GTF3C3: variants seen among roughly 807,000 people sequenced by gnomAD.
GTF3C3 encodes the protein general transcription factor IIIC subunit 3.
A neutral mutation model predicts 105.2 loss-of-function variants in GTF3C3; 75 were observed. The observed-to-expected ratio is 0.71, with a 90% CI of 0.59 to 0.86. The LOEUF (loss-of-function observed/expected upper bound fraction) is 0.86. GTF3C3 is among the 40% of genes least tolerant of loss of function. The probability of loss-of-function intolerance (pLI) is 0.00; values close to 1 mark genes in which losing one functional copy is unlikely to be tolerated. For synonymous variants in GTF3C3, 335 were observed against 370.4 expected (o/e 0.90, Z 1.10); for missense variants, 856 against 1,076.5 (o/e 0.80, Z 2.87).
intron 3 of GTF3C3, among the ~76,000 whole-genome samples, 192 bp downstream of exon 3, chr2:196,792,764 A>G (rs1353196263): frequency 6.6e-6 from 1 of 152,068 alleles, no homozygotes; most frequent in Non-Finnish European, 1.5e-5. Flanking sequence ...CAGGCACACC[A>G]CCATGCCCGG....
At position 196,765,769 on chromosome 2, in the gene GTF3C3, G is replaced by A. The variant is rs567587500; in HGVS notation, c.2538+796C>T. Among the ~76,000 whole-genome samples the A allele has an allele frequency of 9.1e-3, 1,376 of 151,978 alleles. 20 individuals carry two copies. The highest frequency in any genetic ancestry group is 0.031 in the African/African-American group (1,268 of 41,480). ...CTCACGCCTGTAATCCCAGCACTTT[G>A]GGAGGCTGAGGCGGGCGGATCACAA... On this transcript the variant is annotated intron_variant, in intron 17 of 17. Coordinates refer to ENST00000263956, the MANE Select transcript of GTF3C3 (RefSeq NM_012086.5).
At chr2:196,799,358 G>C in intron 1 of GTF3C3, 152 bp downstream of exon 1, 1 of 632,236 alleles carries the variant, frequency 1.6e-6, no homozygotes, top group Non-Finnish European at 2.8e-6. Flanking sequence ...CAGGGATGAG[G>C]GGTGAAAACC....
chr2:196,789,998 A>C lies in GTF3C3; in HGVS notation c.608T>G (p.Leu203Trp). 1 of 1,613,686 alleles carries C rather than the reference A, an allele frequency of 6.2e-7. No individual in the cohort carries two copies. The highest frequency in any genetic ancestry group is 1.1e-5 in the South Asian group (1 of 91,062). Residue 203 changes from leucine to tryptophan, a missense_variant, in exon 5 of 18, where the codon TTG becomes TGG. Coordinates refer to ENST00000263956, the MANE Select transcript of GTF3C3 (RefSeq NM_012086.5). The part of the protein sequence containing the change: ...YEDQGDMEKS[L>W]QFELIAAHLN... ...ATGCGCAGCAATCAACTCAAACTGC[A>C]ATGATTTTTCCATGTCACCTTGGTC...
At chr2:196,788,941 C>T (rs1305695263) in intron 6 of GTF3C3, among the ~76,000 whole-genome samples, 2 of 151,932 alleles carry the variant, frequency 1.3e-5, no homozygotes, top group African/African-American at 4.8e-5. Flanking sequence ...GTGGCGTGCA[C>T]CTACAATCCC....
intron 3 of GTF3C3, among the ~76,000 whole-genome samples, chr2:196,792,173 T>C (rs1311777507): frequency 6.6e-6 from 1 of 152,190 alleles, no homozygotes; most frequent in Non-Finnish European, 1.5e-5. Context: ...AGACATATTT[T>C]TTAAGACAGG....
chr2:196,775,378 C>T (rs1699243308), intron 12 of GTF3C3, 127 bp from the exon 13 acceptor site: 5 of 709,938 alleles, frequency 7.0e-6, no homozygotes, highest in Non-Finnish European at 1.1e-5. Flanking sequence ...ACCTTAGCCT[C>T]GCAAGTAGCT....
At chr2:196,791,593 G>A (rs185911638) in intron 3 of GTF3C3, 133 bp from the exon 4 acceptor site, 1 of 666,722 alleles carries the variant, frequency 1.5e-6, no homozygotes, top group African/African-American at 1.8e-5. Context: ...TTGCAACCCA[G>A]AACTAAATAG....
At chr2:196,798,100 A>G (rs568967466) in intron 1 of GTF3C3, among the ~76,000 whole-genome samples, 192 bp from the exon 2 acceptor site, 1 of 152,374 alleles carries the variant, frequency 6.6e-6, no homozygotes, top group South Asian at 2.1e-4. Context: ...CATACACAGT[A>G]GATGGAATCT....
chr2:196,765,806 C>A (rs112235546), intron 17 of GTF3C3, among the ~76,000 whole-genome samples: 2 of 151,388 alleles, frequency 1.3e-5, no homozygotes, highest in Non-Finnish European at 3.0e-5. Flanking sequence ...GTCAGGAGAT[C>A]GAGACCATCC....
At chr2:196,787,476 G>A (rs1216027112) in intron 6 of GTF3C3, among the ~76,000 whole-genome samples, 1 of 152,042 alleles carries the variant, frequency 6.6e-6, no homozygotes, top group Non-Finnish European at 1.5e-5. Context: ...TAATTCTTCA[G>A]CTTCCCTAAC....
intron 14 of GTF3C3, 51 bp from the exon 15 acceptor site, chr2:196,771,989 G>T: frequency 7.6e-7 from 1 of 1,318,018 alleles, no homozygotes; most frequent in Non-Finnish European, 1.1e-6. Flanking sequence ...AAATCTTCCT[G>T]ATTTCTAAAA....
chr2:196,773,819 A>C, intron 13 of GTF3C3: 1 of 238,978 alleles, frequency 4.2e-6, no homozygotes, highest in South Asian at 4.8e-5. Context: ...AGTTTACAAT[A>C]GGGTTTGCAC....
chr2:196,773,697 G>C, intron 13 of GTF3C3: 1 of 435,292 alleles, frequency 2.3e-6, no homozygotes, highest in South Asian at 1.7e-5. Context: ...GGAGCCCTGA[G>C]CTTGTTTTCC....
intron 1 of GTF3C3, among the ~76,000 whole-genome samples, chr2:196,798,412 C>T (rs1295870255): frequency 2.6e-5 from 4 of 151,872 alleles, no homozygotes; most frequent in African/African-American, 4.8e-5. Flanking sequence ...GTGGTCTCAG[C>T]TACTTGGAGG....
At chr2:196,778,797 C>A in intron 10 of GTF3C3, 99 bp downstream of exon 10, 1 of 1,109,150 alleles carries the variant, frequency 9.0e-7, no homozygotes, top group Non-Finnish European at 1.4e-6. Context: ...CCCCTGAAAC[C>A]AGAAACACTT....
At chr2:196,791,086 CAAA>C (rs1699540424) in intron 4 of GTF3C3, among the ~76,000 whole-genome samples, 1 of 151,678 alleles carries the variant, frequency 6.6e-6, no homozygotes, top group Admixed American at 6.6e-5. Context: ...ACTGACAATT[CAAA>C]AGTCTAAATC....
chr2:196,764,651 T>TCTC lies in GTF3C3; in HGVS notation c.2570_2572dup (p.Arg857_Asp858insGly). ...GATGAGAGACAAGTTGTAGGCAATA[T>TCTC]CTCTTCGTAAGTCTAACTGGTCAAG... On this transcript the variant is annotated inframe_insertion, in exon 18 of 18. Transcript: ENST00000263956. 6.2e-7 allele frequency: 1 copy of TCTC among 1,612,252 alleles called. No individual in the cohort carries two copies. Among genetic ancestry groups the TCTC allele is most frequent in the Non-Finnish European group, 8.5e-7 (1 of 1,178,350 alleles).
At chr2:196,781,238 ACTAT>A (rs1169017859) in intron 8 of GTF3C3, among the ~76,000 whole-genome samples, 3 of 150,198 alleles carry the variant, frequency 2.0e-5, no homozygotes, top group African/African-American at 7.3e-5. Flanking sequence ...GAATTAAATA[ACTAT>A]CTGTTTTACA....
chr2:196,784,722 T>A, intron 8 of GTF3C3, 135 bp downstream of exon 8: 1 of 1,104,110 alleles, frequency 9.1e-7, no homozygotes, highest in Non-Finnish European at 1.2e-6. Flanking sequence ...GAGAAAAAAA[T>A]GCTTCTTGGG....
Sources: gnomAD v4.1 joint callset for allele counts (sites outside exome capture counted in the v4.1 genomes callset) on GRCh38, gnomAD v4.1.1 for gene constraint, MANE v1.5 for transcripts, NCBI Gene and HGNC (gene_info 2026-07-23, HGNC 2026-07-21) for gene names.